The following ZBTB20 variants were observed in gnomAD, a reference collection of about 807,000 sequenced individuals.
ZBTB20 encodes the protein zinc finger and BTB domain containing 20, also known as zinc finger and BTB domain-containing protein 20.
A neutral mutation model predicts 56.9 loss-of-function variants in ZBTB20; 9 were observed. The observed-to-expected ratio is 0.16, with a 90% CI of 0.10 to 0.28. ZBTB20 has a LOEUF of 0.28. ZBTB20 is among the 10% of genes least tolerant of loss of function. The probability of loss-of-function intolerance (pLI) is 1.00; values close to 1 mark genes in which losing one functional copy is unlikely to be tolerated. For synonymous variants in ZBTB20, 417 were observed against 420.7 expected, an observed-to-expected ratio of 0.99 and a Z score of 0.11; for missense variants, 655 against 1,003.0, an observed-to-expected ratio of 0.65 and a Z score of 4.69.
intron 7 of ZBTB20, among the ~76,000 whole-genome samples, chr3:114,450,179 C>T (rs1275520813): frequency 2.0e-5 from 3 of 152,182 alleles, no homozygotes; most frequent in African/African-American, 7.2e-5. Flanking sequence ...TACAAATCAA[C>T]AGCCTTACCT....
intron 6 of ZBTB20, among the ~76,000 whole-genome samples, chr3:114,502,632 T>TAA (rs1189010958): frequency 4.6e-5 from 7 of 152,212 alleles, no homozygotes; most frequent in African/African-American, 2.4e-5. Flanking sequence ...AATATATATA[T>TAA]AACACTGACT....
chr3:114,764,965 C>G (rs1048390509), intron 5 of ZBTB20, among the ~76,000 whole-genome samples: 1 of 152,098 alleles, frequency 6.6e-6, no homozygotes, highest in Admixed American at 6.5e-5. Context: ...CACAGTAACA[C>G]CAGTAATCTG....
intron 7 of ZBTB20, among the ~76,000 whole-genome samples, chr3:114,466,433 C>A (rs1260698442): frequency 1.3e-5 from 2 of 152,150 alleles, no homozygotes; most frequent in Non-Finnish European, 2.9e-5. Context: ...CTATCTGTTG[C>A]CTCCATGAGA....
At chr3:114,675,678 T>C (rs1281142233) in intron 6 of ZBTB20, among the ~76,000 whole-genome samples, 2 of 152,178 alleles carry the variant, frequency 1.3e-5, no homozygotes, top group Admixed American at 6.6e-5. Flanking sequence ...CTCTGAATTG[T>C]ATGTTTTCTT....
chr3:114,896,368 A>T (rs2074878548), intron 4 of ZBTB20, among the ~76,000 whole-genome samples: 1 of 152,172 alleles, frequency 6.6e-6, no homozygotes, highest in Non-Finnish European at 1.5e-5. Context: ...TGATGAGTGA[A>T]TGGACAGGCA....
At chr3:114,535,658 T>C (rs1211845339) in intron 6 of ZBTB20, among the ~76,000 whole-genome samples, 3 of 152,210 alleles carry the variant, frequency 2.0e-5, no homozygotes, top group Non-Finnish European at 4.4e-5. Flanking sequence ...AGAATCATCC[T>C]GATACCAAAA....
intron 11 of ZBTB20, among the ~76,000 whole-genome samples, chr3:114,347,677 G>C (rs2080310956): frequency 1.3e-5 from 2 of 152,184 alleles, no homozygotes; most frequent in African/African-American, 2.4e-5. Context: ...ACTTTGTTAG[G>C]TTAGGGGATC....
chr3:114,970,780 C>T (rs536165882), intron 3 of ZBTB20, among the ~76,000 whole-genome samples: 1 of 152,254 alleles, frequency 6.6e-6, no homozygotes, highest in Non-Finnish European at 1.5e-5. Flanking sequence ...CTTTGGGAGG[C>T]CGAGGCGGGC....
chr3:115,146,938 G>A (rs1404621621), intron 1 of ZBTB20, among the ~76,000 whole-genome samples: 3 of 150,976 alleles, frequency 2.0e-5, no homozygotes, highest in East Asian at 4.0e-4. Flanking sequence ...TCCCCGCCGG[G>A]TCGGGCGAGG....
intron 6 of ZBTB20, among the ~76,000 whole-genome samples, chr3:114,692,681 G>A (rs2062770357): frequency 6.6e-6 from 1 of 152,070 alleles, no homozygotes; most frequent in South Asian, 2.1e-4. Flanking sequence ...AGCAAAGTCA[G>A]CTGTTTCAAG....
At chr3:114,389,990 T>C (rs2085669773) in intron 7 of ZBTB20, among the ~76,000 whole-genome samples, 1 of 151,978 alleles carries the variant, frequency 6.6e-6, no homozygotes, top group Non-Finnish European at 1.5e-5. Flanking sequence ...ATATACTACA[T>C]TCTTATTAAC....
intron 6 of ZBTB20, among the ~76,000 whole-genome samples, chr3:114,571,417 CA>C (rs762926865): frequency 1.3e-5 from 2 of 152,160 alleles, no homozygotes; most frequent in Non-Finnish European, 2.9e-5. Context: ...ATCATTAGGT[CA>C]AAGAACTCAA....
intron 4 of ZBTB20, among the ~76,000 whole-genome samples, chr3:114,879,617 AT>A (rs1390279996): frequency 1.7e-4 from 26 of 152,134 alleles, no homozygotes; most frequent in Non-Finnish European, 1.6e-4. Context: ...TCTTTCAGAG[AT>A]TGTCAGTAAG....
At chr3:114,666,933 TG>T (rs962287759) in intron 6 of ZBTB20, among the ~76,000 whole-genome samples, 31 of 152,098 alleles carry the variant, frequency 2.0e-4, no homozygotes, top group African/African-American at 7.5e-4. Flanking sequence ...AAAACAGATA[TG>T]GGCTGGACAA....
At chr3:115,147,036 A>C in intron 1 of ZBTB20, among the ~76,000 whole-genome samples, 183 bp downstream of exon 1, 1 of 147,314 alleles carries the variant, frequency 6.8e-6, no homozygotes, top group African/African-American at 2.5e-5. Flanking sequence ...GCGCTCATCC[A>C]GCTCAGGGCC....
intron 6 of ZBTB20, among the ~76,000 whole-genome samples, chr3:114,537,328 T>C (rs2110078905): frequency 6.6e-6 from 1 of 152,210 alleles, no homozygotes; most frequent in South Asian, 2.1e-4. Context: ...GGGTGAAGGA[T>C]AAGAGCAGAC....
intron 4 of ZBTB20, among the ~76,000 whole-genome samples, chr3:114,805,098 T>C (rs80085310): frequency 0.054 from 8,195 of 151,974 alleles, 560 homozygotes; most frequent in African/African-American, 0.16. Flanking sequence ...GTTGCAATGA[T>C]AGTACAGAGA....
chr3:114,903,125 A>C (rs1346438423), intron 3 of ZBTB20, among the ~76,000 whole-genome samples: 1 of 152,132 alleles, frequency 6.6e-6, no homozygotes, highest in African/African-American at 2.4e-5. Context: ...GAAGCAGTAG[A>C]GTTATGAGGT....
chr3:114,842,915 T>C (rs2074447185), intron 4 of ZBTB20, among the ~76,000 whole-genome samples: 1 of 152,160 alleles, frequency 6.6e-6, no homozygotes, highest in Admixed American at 6.5e-5. Context: ...TACCTTGAAT[T>C]GTAATCCCAG....
Sources: gnomAD v4.1 joint callset for allele counts (sites outside exome capture counted in the v4.1 genomes callset) on GRCh38, gnomAD v4.1.1 for gene constraint, MANE v1.5 for transcripts, NCBI Gene and HGNC (gene_info 2026-07-23, HGNC 2026-07-21) for gene names.